FMNL2: variants seen among roughly 807,000 people sequenced by gnomAD.
The protein encoded by FMNL2 is formin-like protein 2.
Under a neutral mutation model 130.2 loss-of-function variants are expected in FMNL2, and 51 were observed. The ratio of observed to expected loss-of-function variants is 0.39; its 90% CI spans 0.31 to 0.49. The LOEUF is 0.49. Ranked by LOEUF, FMNL2 falls within the 20% of genes least tolerant of loss-of-function variation. The probability of loss-of-function intolerance (pLI) is 0.85; values close to 1 mark genes in which losing one functional copy is unlikely to be tolerated. For missense variants in FMNL2, 977 were observed against 1,316.2 expected (o/e 0.74, Z 3.99); for synonymous variants, 465 against 467.1 (o/e 1.00, Z 0.06).
At chr2:152,536,476 G>C (rs940042255) in intron 2 of FMNL2, among the ~76,000 whole-genome samples, 1 of 152,170 alleles carries the variant, frequency 6.6e-6, no homozygotes, top group Non-Finnish European at 1.5e-5. Context: ...ACTACTTCCA[G>C]CTTCCAGGAA....
intron 3 of FMNL2, among the ~76,000 whole-genome samples, chr2:152,546,005 T>C (rs560554198): frequency 1.4e-4 from 21 of 152,180 alleles, no homozygotes; most frequent in Admixed American, 7.9e-4. Context: ...GCTGCTGTTA[T>C]TATTACCTCA....
At chr2:152,593,838 GGAGAGA>G (rs147035875) in intron 9 of FMNL2, among the ~76,000 whole-genome samples, 72 of 85,048 alleles carry the variant, frequency 8.5e-4, no homozygotes, top group Non-Finnish European at 1.1e-3. Flanking sequence ...AGGTGACTAG[GGAGAGA>G]GAGAGAGAGA....
chr2:152,524,680 A>G (rs1693286850), intron 2 of FMNL2, among the ~76,000 whole-genome samples: 1 of 152,208 alleles, frequency 6.6e-6, no homozygotes, highest in African/African-American at 2.4e-5. Context: ...ATTTACACTT[A>G]TGGAAAGAGA....
At chr2:152,365,463 A>T (rs1683464789) in intron 1 of FMNL2, among the ~76,000 whole-genome samples, 1 of 152,136 alleles carries the variant, frequency 6.6e-6, no homozygotes, top group African/African-American at 2.4e-5. Flanking sequence ...GTGGACAAAG[A>T]CAGCCCAATC....
chr2:152,623,368 G>A (rs1242620832), intron 15 of FMNL2, among the ~76,000 whole-genome samples: 2 of 152,180 alleles, frequency 1.3e-5, no homozygotes, highest in South Asian at 2.1e-4. Flanking sequence ...CCTGGGTAGC[G>A]TAGACAAAAT....
chr2:152,523,134 G>T (rs1379709142), intron 2 of FMNL2, among the ~76,000 whole-genome samples: 1 of 152,168 alleles, frequency 6.6e-6, no homozygotes, highest in Admixed American at 6.5e-5. Context: ...AACAGGAAAG[G>T]TACACAAAGT....
intron 1 of FMNL2, among the ~76,000 whole-genome samples, chr2:152,408,262 T>A (rs567678391): frequency 6.6e-6 from 1 of 152,362 alleles, no homozygotes. Flanking sequence ...AAAACACTTT[T>A]AAACACAATG....
intron 1 of FMNL2, among the ~76,000 whole-genome samples, chr2:152,495,875 A>G (rs1691492525): frequency 6.6e-6 from 1 of 151,908 alleles, no homozygotes; most frequent in Non-Finnish European, 1.5e-5. Flanking sequence ...CTTCTTTCTT[A>G]CCCTAGTCAT....
intron 1 of FMNL2, among the ~76,000 whole-genome samples, chr2:152,493,914 C>A (rs1285911171): frequency 1.3e-5 from 2 of 152,142 alleles, no homozygotes; most frequent in Non-Finnish European, 2.9e-5. Context: ...TGTTTAGGAC[C>A]CTGTAATTTT....
chr2:152,590,360 G>A (rs1028916001), intron 9 of FMNL2, among the ~76,000 whole-genome samples: 1 of 152,158 alleles, frequency 6.6e-6, no homozygotes, highest in Non-Finnish European at 1.5e-5. Context: ...GCTCACGCCT[G>A]TAATCCCAGC....
chr2:152,527,125 C>T (rs2678294), intron 2 of FMNL2, among the ~76,000 whole-genome samples: 134,649 of 152,172 alleles, frequency 0.88, 60,198 homozygotes, highest in Middle Eastern at 0.98. Context: ...GTTTTGTTTT[C>T]TGCACTTACC....
intron 1 of FMNL2, among the ~76,000 whole-genome samples, chr2:152,495,572 C>T (rs548747110): frequency 7.1e-6 from 1 of 140,556 alleles, no homozygotes; most frequent in African/African-American, 2.6e-5. Flanking sequence ...ATCCGTTGAA[C>T]CCTGGGAGGC....
intron 1 of FMNL2, among the ~76,000 whole-genome samples, chr2:152,517,362 G>A (rs1479071195): frequency 6.6e-6 from 1 of 152,108 alleles, no homozygotes; most frequent in Admixed American, 6.6e-5. Flanking sequence ...TCAACAACCT[G>A]CTTAATGCCT....
chr2:152,542,794 A>G lies in FMNL2; in HGVS notation c.257A>G (p.Tyr86Cys), dbSNP rs1694384772. ...PHTYIQKLKG[Y>C]LDPAVTRKKF... ...ACATACATTCAAAAGCTCAAAGGCT[A>G]TCTGGATCCAGCTGTAACCAGGAAG... is the stretch of plus-strand genomic sequence containing the variant. Residue 86 changes from tyrosine (Y) to cysteine (C), a missense_variant, in exon 3 of 26, where the codon TAT becomes TGT. Around this residue, in one of 4 missense-constraint regions of FMNL2, gnomAD observed 117 missense variants for 134.9 expected, o/e 0.87. Coordinates refer to ENST00000288670, the MANE Select transcript of FMNL2 (RefSeq NM_052905.4). The G allele has an allele frequency of 5.0e-6, 8 of 1,613,916 alleles. No individual in the cohort carries two copies. Among genetic ancestry groups the G allele is most frequent in the Non-Finnish European group, 6.8e-6 (8 of 1,179,900 alleles).
intron 1 of FMNL2, among the ~76,000 whole-genome samples, chr2:152,446,553 T>C (rs1016746255): frequency 6.6e-6 from 1 of 152,188 alleles, no homozygotes; most frequent in African/African-American, 2.4e-5. Context: ...TTAGAGAAAC[T>C]AAATACAGCA....
At chr2:152,598,985 A>G (rs1454818980) in intron 9 of FMNL2, among the ~76,000 whole-genome samples, 1 of 152,204 alleles carries the variant, frequency 6.6e-6, no homozygotes, top group Non-Finnish European at 1.5e-5. Flanking sequence ...TGGAGTCTGA[A>G]GGCCTGAGAA....
chr2:152,503,498 C>T (rs1195433538), intron 1 of FMNL2, among the ~76,000 whole-genome samples: 2 of 151,786 alleles, frequency 1.3e-5, no homozygotes, highest in African/African-American at 4.8e-5. Context: ...GAGTTCTTGC[C>T]AAAACCAGAT....
chr2:152,649,273 A>ACACTT lies in FMNL2; in HGVS notation c.*1370_*1374dup, dbSNP rs1683872659. On this transcript the variant is annotated 3_prime_UTR_variant, in exon 26 of 26. Coordinates refer to ENST00000288670, the MANE Select transcript of FMNL2 (RefSeq NM_052905.4). ...ATCGGTGCAGTTTTTTATGGTTTTTACACTTCTCTTTAATTCCCACCTAAG... is the reference window on the plus strand; with the variant it reads ...ATCGGTGCAGTTTTTTATGGTTTTTACACTTCACTTCTCTTTAATTCCCACCTAAG... 6.6e-6 allele frequency: 1 copy of ACACTT among 152,514 alleles called. No individual in the cohort carries two copies. Among genetic ancestry groups the ACACTT allele is most frequent in the African/African-American group, 2.4e-5 (1 of 41,412 alleles). The allele number at this position is 152,514 out of a possible 1,614,324, so 9.4% of individuals were successfully genotyped here.
chr2:152,641,390 C>T (rs541757214), intron 25 of FMNL2, among the ~76,000 whole-genome samples: 61 of 152,294 alleles, frequency 4.0e-4, no homozygotes, highest in African/African-American at 1.1e-3. Flanking sequence ...TTTTATCAGC[C>T]AAGAATTGTG....
Sources: allele counts gnomAD v4.1 joint callset (sites outside exome capture counted in the v4.1 genomes callset), GRCh38; gene constraint gnomAD v4.1.1; regional missense constraint gnomAD v4.1.1; transcripts MANE v1.5; gene names NCBI Gene and HGNC (gene_info 2026-07-23, HGNC 2026-07-21).